OR6N1: variants seen among roughly 807,000 people sequenced by gnomAD.
OR6N1 encodes the protein olfactory receptor 6N1.
For synonymous variants in OR6N1, 170 were observed against 150.7 expected (o/e 1.13, Z -0.94); for missense variants, 394 against 371.7 (o/e 1.06, Z -0.49).
the OR6N1 span, among the ~76,000 whole-genome samples, chr1:158,823,501 C>G: frequency 6.6e-6 from 1 of 152,076 alleles, no homozygotes; most frequent in Non-Finnish European, 1.5e-5. Context: ...GTGCATAAGG[C>G]TGTTCATAGT....
upstream of OR6N1, among the ~76,000 whole-genome samples, chr1:158,773,439 T>C (rs1341289192): frequency 6.6e-6 from 1 of 152,176 alleles, no homozygotes; most frequent in East Asian, 1.9e-4. Flanking sequence ...ATTACTTCTT[T>C]TCTGTGAACT....
the OR6N1 span, among the ~76,000 whole-genome samples, chr1:158,816,236 C>T: frequency 2.0e-5 from 3 of 152,042 alleles, no homozygotes; most frequent in Admixed American, 6.5e-5. Flanking sequence ...TTCTATACAT[C>T]CTGTCTCTGG....
chr1:158,829,846 G>A, the OR6N1 span, among the ~76,000 whole-genome samples: 29 of 152,282 alleles, frequency 1.9e-4, no homozygotes, highest in Admixed American at 1.6e-3. Flanking sequence ...TCACAATCAT[G>A]GTGGAAGGCA....
chr1:158,779,443 CA>C, the OR6N1 span, among the ~76,000 whole-genome samples: 1 of 152,164 alleles, frequency 6.6e-6, no homozygotes, highest in Non-Finnish European at 1.5e-5. Context: ...TTCATTTAAA[CA>C]ATTCATTTAA....
the OR6N1 span, among the ~76,000 whole-genome samples, chr1:158,795,512 A>G: frequency 6.6e-6 from 1 of 152,190 alleles, no homozygotes; most frequent in Non-Finnish European, 1.5e-5. Flanking sequence ...ACCTGTGACC[A>G]CTGCCTGATG....
rs150263738 is a variant in OR6N1 at position 158,765,872 on chromosome 1, C to T, written c.811G>A (p.Asp271Asn). The change falls in exon 2 of 2, where the codon GAC (aspartate) becomes AAC (asparagine). Residue 271 changes from aspartate (D) to asparagine (N), a missense_variant. By Grantham distance (23) the Asp-to-Asn change is conservative. Coordinates refer to ENST00000641846, the MANE Select transcript of OR6N1 (RefSeq NM_001005185.2). ...QLKKSYSLDY[D>N]QALAVVYSVL... ...GAGTAGACCACTGCCAGGGCCTGGTCATAGTCCAGTGAGTAGCTCTTCTTC... is the reference window on the plus strand; with the variant it reads ...GAGTAGACCACTGCCAGGGCCTGGTTATAGTCCAGTGAGTAGCTCTTCTTC... 35 of 1,614,076 alleles carry T rather than the reference C, an allele frequency of 2.2e-5. No individual in the cohort carries two copies. In the African/African-American group the frequency reaches 3.3e-4, roughly 15 times the overall value.
rs760447484 is a variant in OR6N1, at chr1:158,765,894, C to G, written c.789G>C (p.Lys263Asn). The G allele has an allele frequency of 6.2e-7, 1 of 1,614,146 alleles. No individual in the cohort carries two copies. The highest frequency in any genetic ancestry group is 1.7e-5 in the Admixed American group (1 of 60,022). ...GSILSMYVQL[K>N]KSYSLDYDQA... The stretch of plus-strand genomic sequence containing the variant: ...GGTCATAGTCCAGTGAGTAGCTCTT[C>G]TTCAGCTGCACATACATGGAAAGGA... Residue 263 changes from lysine to asparagine, a missense_variant, in exon 2 of 2, where the codon AAG becomes AAC. Lys to Asn is a moderately conservative substitution (Grantham distance 94). Coordinates refer to ENST00000641846, the MANE Select transcript of OR6N1 (RefSeq NM_001005185.2).
the OR6N1 span, among the ~76,000 whole-genome samples, chr1:158,816,760 C>G: frequency 6.6e-6 from 1 of 152,196 alleles, no homozygotes; most frequent in African/African-American, 2.4e-5. Context: ...TGAATTTGGA[C>G]CAACACCTTC....
At chr1:158,795,513 C>T in the OR6N1 span, among the ~76,000 whole-genome samples, 2 of 152,224 alleles carry the variant, frequency 1.3e-5, no homozygotes, top group African/African-American at 4.8e-5. Flanking sequence ...CCTGTGACCA[C>T]TGCCTGATGC....
At chr1:158,795,386 C>A in the OR6N1 span, among the ~76,000 whole-genome samples, 2 of 152,178 alleles carry the variant, frequency 1.3e-5, no homozygotes, top group Non-Finnish European at 2.9e-5. Flanking sequence ...AACACAGGGG[C>A]ATCCAGCTTC....
At chr1:158,805,608 C>T in the OR6N1 span, among the ~76,000 whole-genome samples, 1 of 151,886 alleles carries the variant, frequency 6.6e-6, no homozygotes, top group Admixed American at 6.6e-5. Context: ...AAGCTCTGCG[C>T]TAAAGATGAC....
chr1:158,832,375 A>G, the OR6N1 span, among the ~76,000 whole-genome samples: 1 of 151,846 alleles, frequency 6.6e-6, no homozygotes, highest in Admixed American at 6.6e-5. Context: ...GAAAAATCTA[A>G]ATCTAAATCT....
chr1:158,779,024 A>AAAAAAAAAAAAAAAAAAAAG, the OR6N1 span, among the ~76,000 whole-genome samples: 4 of 151,202 alleles, frequency 2.6e-5, no homozygotes, highest in African/African-American at 9.8e-5. Context: ...GTCTCAAAAA[A>AAAAAAAAAAAAAAAAAAAAG]AAAAAAAAGA....
At chr1:158,813,697 CTT>C in the OR6N1 span, among the ~76,000 whole-genome samples, 57 of 78,620 alleles carry the variant, frequency 7.3e-4, no homozygotes, top group East Asian at 3.7e-3. Flanking sequence ...TATGTATGGT[CTT>C]TTTTTTTTTT....
At chr1:158,790,074 C>A in the OR6N1 span, among the ~76,000 whole-genome samples, 1 of 152,178 alleles carries the variant, frequency 6.6e-6, no homozygotes, top group Admixed American at 6.5e-5. Flanking sequence ...GTTTTTCCTG[C>A]ACCATTTATG....
the OR6N1 span, among the ~76,000 whole-genome samples, chr1:158,798,939 A>G: frequency 1.3e-5 from 2 of 152,166 alleles, no homozygotes; most frequent in Non-Finnish European, 1.5e-5. Context: ...CTGGGAGAAG[A>G]GCACAGGAAA....
chr1:158,801,616 G>T, the OR6N1 span, among the ~76,000 whole-genome samples: 1 of 152,074 alleles, frequency 6.6e-6, no homozygotes, highest in Non-Finnish European at 1.5e-5. Flanking sequence ...TGAACATTGG[G>T]CTTAACCATT....
chr1:158,776,947 G>GT, upstream of OR6N1: 1 of 1,614,082 alleles, frequency 6.2e-7, no homozygotes. Flanking sequence ...TCCTGATGCT[G>GT]TTTTTATCTT....
At chr1:158,771,999 T>C (rs1657435353) in intron 1 of OR6N1, 22 bp downstream of exon 1, 1 of 152,178 alleles carries the variant, frequency 6.6e-6, no homozygotes, top group Non-Finnish European at 1.5e-5. Flanking sequence ...AAGATGAAAA[T>C]GCCTGCTTGA....
Sources: allele counts gnomAD v4.1 joint callset (sites outside exome capture counted in the v4.1 genomes callset), GRCh38; gene constraint gnomAD v4.1.1; transcripts MANE v1.5; gene names NCBI Gene and HGNC (gene_info 2026-07-23, HGNC 2026-07-21).